The following KIAA1328 variants were observed in gnomAD, a reference collection of about 807,000 sequenced individuals.
KIAA1328 encodes the protein KIAA1328, also known as protein hinderin.
In KIAA1328, 52 loss-of-function variants were observed where a neutral mutation model predicts 68.1. The ratio of observed to expected loss-of-function variants is 0.76; its 90% CI spans 0.61 to 0.96. The LOEUF (loss-of-function observed/expected upper bound fraction) is 0.96. KIAA1328 is among the 40% of genes least tolerant of loss of function. KIAA1328 has a pLI of 0.00. For missense variants in KIAA1328, 641 were observed against 677.6 expected, an observed-to-expected ratio of 0.95 and a Z score of 0.60; for synonymous variants, 232 against 239.4, an observed-to-expected ratio of 0.97 and a Z score of 0.28.
At chr18:36,832,802 A>C (rs938953864) in intron 1 of KIAA1328, 2 of 151,398 alleles carry the variant, frequency 1.3e-5, no homozygotes, top group Non-Finnish European at 2.9e-5. Flanking sequence ...GTGAGATGAG[A>C]TCAGGTCATG....
At chr18:37,208,490 G>A (rs2060256973) in intron 9 of KIAA1328, among the ~76,000 whole-genome samples, 2 of 152,164 alleles carry the variant, frequency 1.3e-5, no homozygotes, top group Non-Finnish European at 2.9e-5. Flanking sequence ...TAAATTGGAG[G>A]CGAATATTGT....
Position 37,034,112 on chromosome 18 carries a change from C to G in KIAA1328, c.577-32778C>G, listed in dbSNP as rs2054936683. ...TTTAAATGTGTTGAATTTTAGCATA[C>G]AAATTTAGTGTTAGTCTTAGGAAAA... On this transcript the variant is annotated intron_variant, in intron 6 of 9. Transcript: ENST00000280020. Among the ~76,000 whole-genome samples the G allele has an allele frequency of 2.6e-5, 4 of 152,140 alleles. No homozygotes were observed. The South Asian group carries it at 8.3e-4, about 32-fold the overall frequency.
At chr18:37,056,347 A>C (rs1428773961) in intron 6 of KIAA1328, among the ~76,000 whole-genome samples, 1 of 152,122 alleles carries the variant, frequency 6.6e-6, no homozygotes, top group Non-Finnish European at 1.5e-5. Flanking sequence ...ATATTTTTCT[A>C]ACTCAGAAAT....
intron 6 of KIAA1328, among the ~76,000 whole-genome samples, chr18:37,054,164 A>G (rs2055816982): frequency 2.0e-5 from 3 of 152,074 alleles, no homozygotes; most frequent in East Asian, 3.9e-4. Context: ...TAAAACCCAG[A>G]TATAGGTTGG....
At position 36,936,504 on chromosome 18, in the gene KIAA1328, A is replaced by G. The variant is rs529209836; in HGVS notation, c.449-22804A>G. Among the ~76,000 whole-genome samples the G allele has an allele frequency of 9.2e-5, 14 of 152,082 alleles. 2 individuals are homozygous for G. The South Asian group carries it at 2.7e-3, about 29-fold the overall frequency. On this transcript the variant is annotated intron_variant, in intron 5 of 9. Coordinates refer to ENST00000280020, the MANE Select transcript of KIAA1328 (RefSeq NM_020776.3). ...TATTCCATCATGTATATGTGCCACA[A>G]TGCCTATCATTGACGGGCATTTGGG...
chr18:37,013,995 C>T (rs1257261922), intron 6 of KIAA1328, among the ~76,000 whole-genome samples: 3 of 152,316 alleles, frequency 2.0e-5, no homozygotes, highest in African/African-American at 4.8e-5. Flanking sequence ...TCCGCATCCT[C>T]GCCAGCATCT....
intron 6 of KIAA1328, among the ~76,000 whole-genome samples, chr18:36,960,252 G>T (rs1442958781): frequency 1.3e-5 from 2 of 152,220 alleles, no homozygotes; most frequent in Non-Finnish European, 2.9e-5. Flanking sequence ...AGCCCGGCAG[G>T]GGGAGGGGCG....
chr18:36,965,907 C>G (rs2051912027), intron 6 of KIAA1328, among the ~76,000 whole-genome samples: 1 of 150,692 alleles, frequency 6.6e-6, no homozygotes, highest in African/African-American at 2.4e-5. Flanking sequence ...CGTCATACTT[C>G]TAATTGACAA....
Position 37,222,216 on chromosome 18 carries a change from T to G in KIAA1328, c.1723T>G (p.Phe575Val). 1 of 1,562,992 alleles carries G rather than the reference T, an allele frequency of 6.4e-7. No individual in the cohort carries two copies. The highest frequency in any genetic ancestry group is 8.7e-7 in the Non-Finnish European group (1 of 1,152,956). Residue 575 changes from phenylalanine to valine, a missense_variant, in exon 10 of 10, where the codon TTT becomes GTT. Phe to Val is a conservative substitution (Grantham distance 50). Coordinates refer to ENST00000280020, the MANE Select transcript of KIAA1328 (RefSeq NM_020776.3). Reference sequence around the variant, plus strand: ...GGAGAATCAGATTCTGGAAGATATATTTTTCATTTGACATATTGCAAAATT... The same window carrying G: ...GGAGAATCAGATTCTGGAAGATATAGTTTTCATTTGACATATTGCAAAATT... Reference protein sequence around the residue: ...LEENQILEDIFFI With the variant: ...LEENQILEDIVFI
intron 5 of KIAA1328, among the ~76,000 whole-genome samples, chr18:36,913,375 T>G (rs970043983): frequency 1.3e-5 from 2 of 151,636 alleles, no homozygotes; most frequent in African/African-American, 4.8e-5. Flanking sequence ...AAAAAATTTT[T>G]TAAGAACCTT....
chr18:37,151,333 A>G lies in KIAA1328; in HGVS notation c.1233-8867A>G, dbSNP rs560456221. Reference sequence around the variant, plus strand: ...ATTTGACCAGTCGGTATTGTTATAAATATCAAAATTTTTTTCCAAACTGAG... The same window carrying G: ...ATTTGACCAGTCGGTATTGTTATAAGTATCAAAATTTTTTTCCAAACTGAG... On this transcript the variant is annotated intron_variant, in intron 7 of 9. Transcript: ENST00000280020. 1.0e-3 allele frequency among the ~76,000 whole-genome samples: 156 copies of G among 152,292 alleles called. 2 individuals carry two copies. Among genetic ancestry groups the G allele is most frequent in the African/African-American group, 3.7e-3 (154 of 41,576 alleles).
At chr18:37,123,368 C>G (rs2058317309) in intron 7 of KIAA1328, among the ~76,000 whole-genome samples, 1 of 151,982 alleles carries the variant, frequency 6.6e-6, no homozygotes, top group Non-Finnish European at 1.5e-5. Context: ...GTAACCAAAA[C>G]TTTTTAAAAA....
intron 5 of KIAA1328, among the ~76,000 whole-genome samples, chr18:36,942,567 G>T (rs2050754334): frequency 1.3e-5 from 2 of 152,090 alleles, no homozygotes; most frequent in African/African-American, 2.4e-5. Context: ...TAAGCAATTT[G>T]GTAGAAAAAG....
intron 8 of KIAA1328, among the ~76,000 whole-genome samples, chr18:37,166,399 T>C (rs1364035642): frequency 6.6e-6 from 1 of 152,290 alleles, no homozygotes; most frequent in East Asian, 1.9e-4. Flanking sequence ...CAACACAAAT[T>C]TGTAAACTTT....
chr18:37,229,311 G>A (rs1208032019), downstream of KIAA1328, among the ~76,000 whole-genome samples: 1 of 152,180 alleles, frequency 6.6e-6, no homozygotes, highest in Admixed American at 6.5e-5. Context: ...CTTATGAGAT[G>A]AGGCCTTTTT....
At chr18:37,193,994 C>T (rs1390055607) in intron 9 of KIAA1328, among the ~76,000 whole-genome samples, 2 of 152,130 alleles carry the variant, frequency 1.3e-5, no homozygotes, top group Non-Finnish European at 2.9e-5. Context: ...TATGCACGTA[C>T]CACAATGCAG....
At chr18:37,217,796 C>T (rs323487) in intron 9 of KIAA1328, among the ~76,000 whole-genome samples, 40,419 of 152,148 alleles carry the variant, frequency 0.27, 8,391 homozygotes, top group African/African-American at 0.58. Context: ...CTGTCACTTT[C>T]AGGTACACCA....
intron 9 of KIAA1328, among the ~76,000 whole-genome samples, chr18:37,187,200 C>T (rs578186602): frequency 5.3e-5 from 8 of 152,020 alleles, no homozygotes; most frequent in African/African-American, 1.9e-4. Flanking sequence ...TTGCTTGGAA[C>T]CCACCCCCAA....
At chr18:37,206,718 T>G (rs1225291758) in intron 9 of KIAA1328, among the ~76,000 whole-genome samples, 3 of 152,170 alleles carry the variant, frequency 2.0e-5, no homozygotes, top group African/African-American at 7.2e-5. Flanking sequence ...CTGCCAAGCT[T>G]AAAAACTCAT....
Sources: allele counts gnomAD v4.1 joint callset (sites outside exome capture counted in the v4.1 genomes callset), GRCh38; gene constraint gnomAD v4.1.1; transcripts MANE v1.5; gene names NCBI Gene and HGNC (gene_info 2026-07-23, HGNC 2026-07-21).